Variants in PCDHA9 observed in about 807,000 individuals in gnomAD.
The protein encoded by PCDHA9 is protocadherin alpha-9.
PCDHA9 carries 62 observed loss-of-function variants against 62.0 expected under a neutral mutation model. The observed-to-expected ratio is 1.00, with a 90% CI of 0.81 to 1.23. The LOEUF is 1.23. Ranked by LOEUF, PCDHA9 falls within the 50% of genes most tolerant of loss-of-function variation. PCDHA9 has a pLI of 0.00. For synonymous variants in PCDHA9, 557 were observed against 567.6 expected (o/e 0.98, Z 0.27); for missense variants, 1,205 against 1,249.8 (o/e 0.96, Z 0.54).
intron 1 of PCDHA9, chr5:140,876,963 G>A: frequency 6.2e-7 from 1 of 1,613,068 alleles, no homozygotes; most frequent in Middle Eastern, 1.8e-4. Flanking sequence ...TGGTGGAGCG[G>A]CGGGTGGGCG....
intron 1 of PCDHA9, chr5:140,967,270 C>G (rs782562333): frequency 6.2e-7 from 1 of 1,613,488 alleles, no homozygotes; most frequent in Non-Finnish European, 8.5e-7. Context: ...CGCGCTTTCA[C>G]ATAGAGAGTG....
chr5:140,870,179 G>A, intron 1 of PCDHA9: 1 of 1,614,104 alleles, frequency 6.2e-7, no homozygotes, highest in South Asian at 1.1e-5. Context: ...CTCCCAGTAC[G>A]AGAGGACGCT....
At position 140,848,698 on chromosome 5, in the gene PCDHA9, C is replaced by T. The variant is rs17844321; in HGVS notation, c.203C>T (p.Ser68Phe). The change falls in exon 1 of 4, where the codon TCC (serine) becomes TTC (phenylalanine). Residue 68 changes from serine to phenylalanine, a missense_variant. This residue lies in a region of PCDHA9 where 208 missense variants were observed against 213.2 expected (regional missense o/e 0.98). Coordinates refer to ENST00000532602, the MANE Select transcript of PCDHA9 (RefSeq NM_031857.2). The stretch of plus-strand genomic sequence containing the variant: ...GTGCCGCGCCTGTTCCAGTTGGATT[C>T]CAAAGGCCGCGGGGACCTTCTGGAG... Reference protein sequence around the residue: ...ELVPRLFQLDSKGRGDLLEVN... With the variant: ...ELVPRLFQLDFKGRGDLLEVN... 1,049 of 1,592,348 alleles carry T rather than the reference C, an allele frequency of 6.6e-4. 38 individuals are homozygous for T. The East Asian group carries it at 0.022, about 33-fold the overall frequency.
At chr5:140,892,480 CA>C (rs1484176083) in intron 1 of PCDHA9, among the ~76,000 whole-genome samples, 14 of 152,110 alleles carry the variant, frequency 9.2e-5, no homozygotes, top group Non-Finnish European at 1.8e-4. Context: ...GTTTCCTAGC[CA>C]AACATGAGAG....
At chr5:140,875,028 G>A (rs1321534427) in intron 1 of PCDHA9, among the ~76,000 whole-genome samples, 1 of 152,198 alleles carries the variant, frequency 6.6e-6, no homozygotes, top group Admixed American at 6.5e-5. Flanking sequence ...CTGGCCTACT[G>A]TATTTGAAAG....
intron 1 of PCDHA9, among the ~76,000 whole-genome samples, chr5:140,872,352 C>T (rs568415263): frequency 7.2e-5 from 11 of 152,170 alleles, no homozygotes; most frequent in African/African-American, 2.7e-4. Context: ...TCTTGCCAGG[C>T]AAAGTGGTTC....
chr5:140,911,971 C>G (rs1041878022), intron 1 of PCDHA9, among the ~76,000 whole-genome samples: 5 of 152,266 alleles, frequency 3.3e-5, no homozygotes, highest in African/African-American at 1.2e-4. Flanking sequence ...GGAGTATTAA[C>G]TCACATGATC....
At chr5:140,992,131 T>C (rs1554252686) in intron 3 of PCDHA9, among the ~76,000 whole-genome samples, 1 of 151,874 alleles carries the variant, frequency 6.6e-6, no homozygotes, top group African/African-American at 2.4e-5. Flanking sequence ...GAACAGTGAC[T>C]GATGATGCTA....
At chr5:140,993,321 G>A (rs1021026330) in intron 3 of PCDHA9, among the ~76,000 whole-genome samples, 58 of 152,134 alleles carry the variant, frequency 3.8e-4, no homozygotes, top group African/African-American at 5.3e-4. Context: ...TACCTTCTAA[G>A]TGTTTGTGAT....
intron 1 of PCDHA9, among the ~76,000 whole-genome samples, chr5:140,941,214 C>CCTTTCTTTCTTCCTTTCTTTCTTT (rs2092876516): frequency 2.3e-4 from 28 of 122,490 alleles, no homozygotes; most frequent in Middle Eastern, 4.2e-3. Context: ...TTTCTTTCTT[C>CCTTTCTTTCTTCCTTTCTTTCTTT]CTTTCTTTCT....
rs1200077477 is a variant in PCDHA9, at chr5:140,898,429, C to T, written c.2394+47540C>T. 2.1e-3 allele frequency among the ~76,000 whole-genome samples: 312 copies of T among 150,132 alleles called. 2 individuals are homozygous for T. Among genetic ancestry groups the T allele is most frequent in the African/African-American group, 7.3e-3 (294 of 40,066 alleles). On this transcript the variant is annotated intron_variant, in intron 1 of 3. Coordinates refer to ENST00000532602, the MANE Select transcript of PCDHA9 (RefSeq NM_031857.2). ...ATACGGCTAGCCAGTTTTCCCAGCACCATTTATTAAATAGGGAATCCTTTC... is the reference window on the plus strand; with the variant it reads ...ATACGGCTAGCCAGTTTTCCCAGCATCATTTATTAAATAGGGAATCCTTTC...
In PCDHA9 at chr5:140,875,325, G is replaced by C. The variant is rs1293166061; in HGVS notation, c.2394+24436G>C. 3 of 1,427,764 alleles carry C rather than the reference G, an allele frequency of 2.1e-6. No homozygotes were observed. The African/African-American group carries it at 4.3e-5, about 21-fold the overall frequency. 88.4% of individuals were successfully genotyped at this position (1,427,764 alleles called of 1,614,324 possible). A position where few individuals can be genotyped will look rare whatever the true frequency, so the allele number is the denominator to read the frequency against. On this transcript the variant is annotated intron_variant, in intron 1 of 3. Coordinates refer to ENST00000532602, the MANE Select transcript of PCDHA9 (RefSeq NM_031857.2). ...CCGCACCCACATTCCAATCATTCAC[G>C]GAATAGGATCGACTCCATAATGACT...
chr5:140,952,821 A>G (rs269545), intron 1 of PCDHA9, among the ~76,000 whole-genome samples: 31,238 of 152,098 alleles, frequency 0.21, 3,965 homozygotes, highest in African/African-American at 0.36. Context: ...CTGTACAGGA[A>G]GCATGATGCT....
rs193081186 is a variant in PCDHA9, at chr5:140,886,365, A to G, written c.2394+35476A>G. Among the ~76,000 whole-genome samples the G allele has an allele frequency of 3.1e-3, 466 of 152,304 alleles. 3 individuals carry two copies. Among genetic ancestry groups the G allele is most frequent in the Middle Eastern group, 0.014 (4 of 294 alleles). On this transcript the variant is annotated intron_variant, in intron 1 of 3. Transcript: ENST00000532602. Reference sequence around the variant, plus strand: ...GTGCAGGTTTGTTACATAGGTGTACATGCCATGGTGTGCTTATCTATTATC... The same window carrying G: ...GTGCAGGTTTGTTACATAGGTGTACGTGCCATGGTGTGCTTATCTATTATC...
intron 1 of PCDHA9, among the ~76,000 whole-genome samples, chr5:140,887,243 C>T (rs950171388): frequency 6.0e-4 from 91 of 152,060 alleles, no homozygotes; most frequent in Non-Finnish European, 1.2e-3. Context: ...ACTACCGGCG[C>T]CCGCCACCAC....
At chr5:140,871,219 G>A in intron 1 of PCDHA9, 1 of 1,613,872 alleles carries the variant, frequency 6.2e-7, no homozygotes, top group African/African-American at 1.3e-5. Flanking sequence ...CATCTGCGTG[G>A]TGTCCAGCCT....
chr5:140,900,233 G>GT (rs1261263702), intron 1 of PCDHA9, among the ~76,000 whole-genome samples: 7 of 151,834 alleles, frequency 4.6e-5, no homozygotes, highest in Non-Finnish European at 7.4e-5. Flanking sequence ...ACTGGATCTT[G>GT]TTTTTTTTAT....
At chr5:140,960,488 GT>G (rs1373763536) in intron 1 of PCDHA9, among the ~76,000 whole-genome samples, 4 of 152,150 alleles carry the variant, frequency 2.6e-5, no homozygotes, top group African/African-American at 9.7e-5. Flanking sequence ...AGAGGTGTAG[GT>G]TTGTTTGTTC....
At chr5:140,857,399 G>C (rs375062704) in intron 1 of PCDHA9, 4 of 1,598,394 alleles carry the variant, frequency 2.5e-6, no homozygotes, top group Admixed American at 3.4e-5. Flanking sequence ...GAACGACAAC[G>C]CGCCTGCGTT....
Sources: allele counts gnomAD v4.1 joint callset (sites outside exome capture counted in the v4.1 genomes callset), GRCh38; gene constraint gnomAD v4.1.1; regional missense constraint gnomAD v4.1.1; transcripts MANE v1.5; gene names NCBI Gene and HGNC (gene_info 2026-07-23, HGNC 2026-07-21).